Variants in CNTN4 observed in about 807,000 individuals in gnomAD.
CNTN4 encodes contactin 4.
CNTN4 carries 77 observed loss-of-function variants against 122.5 expected under a neutral mutation model. The observed-to-expected ratio is 0.63, with a 90% CI of 0.52 to 0.76. The LOEUF is 0.76. CNTN4 is among the 30% of genes least tolerant of loss of function. The pLI is 0.00. For synonymous variants in CNTN4, 512 were observed against 447.0 expected (o/e 1.15, Z -1.83); for missense variants, 1,256 against 1,259.1 (o/e 1.00, Z 0.04).
chr3:2,319,800 C>A (rs1275007107), intron 2 of CNTN4, among the ~76,000 whole-genome samples: 1 of 152,150 alleles, frequency 6.6e-6, no homozygotes, highest in Non-Finnish European at 1.5e-5. Flanking sequence ...TACCCCTACC[C>A]TCCTCGTTGT....
At chr3:2,821,565 A>G (rs1415233254) in intron 7 of CNTN4, among the ~76,000 whole-genome samples, 4 of 152,180 alleles carry the variant, frequency 2.6e-5, no homozygotes, top group Admixed American at 2.6e-4. Flanking sequence ...CAAATATTTT[A>G]CGCAGATGTG....
chr3:2,340,804 T>TTTTAACCA (rs1331164314), intron 3 of CNTN4, among the ~76,000 whole-genome samples: 1 of 151,110 alleles, frequency 6.6e-6, no homozygotes, highest in East Asian at 1.9e-4. Flanking sequence ...GTAAGGTGTT[T>TTTTAACCA]TTTAACCAAC....
chr3:2,268,984 G>T (rs1482159823), intron 2 of CNTN4, among the ~76,000 whole-genome samples: 1 of 152,104 alleles, frequency 6.6e-6, no homozygotes, highest in African/African-American at 2.4e-5. Flanking sequence ...CAAGGTGGCA[G>T]GGAGTCCTTA....
At chr3:2,496,729 C>G (rs1054951083) in intron 3 of CNTN4, among the ~76,000 whole-genome samples, 2 of 152,140 alleles carry the variant, frequency 1.3e-5, no homozygotes. Flanking sequence ...GAATGTTGTC[C>G]TACCATTGTT....
chr3:2,442,299 GC>G (rs983391320), intron 3 of CNTN4, among the ~76,000 whole-genome samples: 9 of 152,052 alleles, frequency 5.9e-5, no homozygotes, highest in African/African-American at 2.2e-4. Context: ...GTCTGGAACT[GC>G]CAAAAAAATA....
intron 3 of CNTN4, among the ~76,000 whole-genome samples, chr3:2,382,334 T>G (rs2046058930): frequency 6.6e-6 from 1 of 151,984 alleles, no homozygotes. Context: ...TTTTTGTACT[T>G]TTAGTAGAGA....
intron 4 of CNTN4, among the ~76,000 whole-genome samples, chr3:2,619,596 ATTTAG>A (rs1434538643): frequency 6.6e-6 from 1 of 152,186 alleles, no homozygotes; most frequent in African/African-American, 2.4e-5. Context: ...CAGAAGAACT[ATTTAG>A]TTAAGTAATG....
At chr3:2,148,987 T>C (rs1476226939) in intron 2 of CNTN4, among the ~76,000 whole-genome samples, 3 of 151,842 alleles carry the variant, frequency 2.0e-5, no homozygotes, top group Admixed American at 6.6e-5. Flanking sequence ...GGGTGGTGTC[T>C]AAGGAGTAAA....
intron 3 of CNTN4, among the ~76,000 whole-genome samples, chr3:2,486,336 A>C (rs149397564): frequency 5.3e-5 from 8 of 152,320 alleles, no homozygotes; most frequent in Middle Eastern, 6.8e-3. Context: ...CAGTGAGACC[A>C]AGAACCCACC....
intron 4 of CNTN4, among the ~76,000 whole-genome samples, chr3:2,624,231 A>G (rs1351447140): frequency 1.3e-5 from 2 of 152,208 alleles, no homozygotes; most frequent in African/African-American, 2.4e-5. Context: ...ATCCTGAAAA[A>G]GCATTCATAG....
At chr3:2,350,057 G>C (rs1392390411) in intron 3 of CNTN4, among the ~76,000 whole-genome samples, 2 of 152,142 alleles carry the variant, frequency 1.3e-5, no homozygotes, top group African/African-American at 2.4e-5. Flanking sequence ...TCAAAGGTCA[G>C]GGACTAAATG....
chr3:2,997,650 T>C (rs1174152999), intron 14 of CNTN4, among the ~76,000 whole-genome samples: 1 of 152,210 alleles, frequency 6.6e-6, no homozygotes, highest in African/African-American at 2.4e-5. Flanking sequence ...CTGACCAAGA[T>C]GAAAGCAAGT....
intron 13 of CNTN4, chr3:2,985,229 A>G (rs61411916): frequency 0.039 from 5,959 of 152,420 alleles, 132 homozygotes; most frequent in Admixed American, 0.067. Context: ...ACATTTACTT[A>G]TTTTTTTACC....
intron 3 of CNTN4, among the ~76,000 whole-genome samples, chr3:2,414,624 G>A (rs76140712): frequency 0.016 from 2,422 of 151,940 alleles, 61 homozygotes; most frequent in African/African-American, 0.056. Context: ...GATTATAAAG[G>A]AAAACATAAA....
intron 3 of CNTN4, among the ~76,000 whole-genome samples, chr3:2,371,223 C>T (rs147484357): frequency 1.5e-3 from 228 of 152,264 alleles, no homozygotes; most frequent in African/African-American, 4.4e-3. Context: ...GTTAGGTTCC[C>T]ACTGCACTTG....
At chr3:2,197,050 G>GAAAAAAAAAAA (rs756328918) in intron 2 of CNTN4, among the ~76,000 whole-genome samples, 1 of 87,126 alleles carries the variant, frequency 1.1e-5, no homozygotes, top group African/African-American at 4.1e-5. Context: ...GGTCTCACCA[G>GAAAAAAAAAAA]AAAAAAAAAA....
intron 2 of CNTN4, among the ~76,000 whole-genome samples, chr3:2,287,399 C>G (rs1045594695): frequency 1.3e-5 from 2 of 151,750 alleles, no homozygotes; most frequent in African/African-American, 2.4e-5. Context: ...CTCAGAAGTT[C>G]CAGACCAGCC....
chr3:2,891,820 T>G (rs2094044391), intron 10 of CNTN4, among the ~76,000 whole-genome samples: 1 of 152,194 alleles, frequency 6.6e-6, no homozygotes, highest in Non-Finnish European at 1.5e-5. Flanking sequence ...TTACAGCATT[T>G]CAAGGCAGGA....
intron 3 of CNTN4, among the ~76,000 whole-genome samples, chr3:2,440,993 A>G (rs1158227555): frequency 6.6e-6 from 1 of 150,592 alleles, no homozygotes; most frequent in African/African-American, 2.4e-5. Context: ...GTGTATATGT[A>G]TATGTGTGTA....
Sources: allele counts gnomAD v4.1 joint callset (sites outside exome capture counted in the v4.1 genomes callset), GRCh38; gene constraint gnomAD v4.1.1; transcripts MANE v1.5; gene names NCBI Gene and HGNC (gene_info 2026-07-23, HGNC 2026-07-21).